Variants in RPS6KC1 observed in about 807,000 individuals in gnomAD.
RPS6KC1 encodes the protein inactive ribosomal protein S6 kinase delta-1.
In RPS6KC1, 54 loss-of-function variants were observed where a neutral mutation model predicts 103.8. The ratio of observed to expected loss-of-function variants is 0.52; its 90% CI spans 0.42 to 0.65. RPS6KC1 has a LOEUF of 0.65. Ranked by LOEUF, RPS6KC1 falls within the 30% of genes least tolerant of loss-of-function variation. The probability of loss-of-function intolerance (pLI) is 0.00; values close to 1 mark genes in which losing one functional copy is unlikely to be tolerated. For synonymous variants in RPS6KC1, 439 were observed against 438.7 expected, an observed-to-expected ratio of 1.00 and a Z score of -0.01; for missense variants, 1,151 against 1,253.8, an observed-to-expected ratio of 0.92 and a Z score of 1.24.
chr1:213,220,277 A>G (rs1042055065), intron 8 of RPS6KC1, among the ~76,000 whole-genome samples: 4 of 152,164 alleles, frequency 2.6e-5, no homozygotes, highest in African/African-American at 9.7e-5. Context: ...GCATTGTAGA[A>G]TCTAAAAATC....
chr1:213,104,162 C>T (rs572854654), intron 3 of RPS6KC1, among the ~76,000 whole-genome samples: 1 of 152,308 alleles, frequency 6.6e-6, no homozygotes, highest in African/African-American at 2.4e-5. Context: ...AGTTTCGAAT[C>T]ACCAGCTTCT....
chr1:213,682,527 A>G, the RPS6KC1 span, among the ~76,000 whole-genome samples: 1 of 152,250 alleles, frequency 6.6e-6, no homozygotes, highest in East Asian at 1.9e-4. Context: ...AAAACTGTCA[A>G]AGATAGATCA....
the RPS6KC1 span, among the ~76,000 whole-genome samples, chr1:213,592,750 G>C: frequency 6.6e-6 from 1 of 152,174 alleles, no homozygotes; most frequent in Non-Finnish European, 1.5e-5. Context: ...AGTTTCTGTT[G>C]TGCTAGGCCT....
At chr1:213,854,535 T>TCTTTCTTA in the RPS6KC1 span, among the ~76,000 whole-genome samples, 2 of 101,336 alleles carry the variant, frequency 2.0e-5, no homozygotes, top group Non-Finnish European at 3.9e-5. Context: ...TTTCTTTCTT[T>TCTTTCTTA]CTTTCTTTCT....
the RPS6KC1 span, among the ~76,000 whole-genome samples, chr1:213,776,233 C>T: frequency 2.0e-5 from 3 of 152,146 alleles, no homozygotes; most frequent in African/African-American, 4.8e-5. Flanking sequence ...TGGTTCCTTT[C>T]CAGAACATTT....
At chr1:213,674,043 G>T in the RPS6KC1 span, among the ~76,000 whole-genome samples, 1 of 151,876 alleles carries the variant, frequency 6.6e-6, no homozygotes, top group East Asian at 1.9e-4. Context: ...TTTTGAGACA[G>T]AGTCTCGCTA....
intron 8 of RPS6KC1, among the ~76,000 whole-genome samples, chr1:213,219,243 C>A (rs941676840): frequency 6.6e-6 from 1 of 152,144 alleles, no homozygotes; most frequent in African/African-American, 2.4e-5. Flanking sequence ...ATGCAGCCAA[C>A]AGACACATGA....
chr1:213,623,771 A>G, the RPS6KC1 span, among the ~76,000 whole-genome samples: 2 of 152,198 alleles, frequency 1.3e-5, no homozygotes, highest in African/African-American at 4.8e-5. Context: ...TAATAGGCAG[A>G]GGCAAGGGCA....
intron 1 of RPS6KC1, among the ~76,000 whole-genome samples, chr1:213,059,736 G>A (rs1391768730): frequency 2.0e-5 from 3 of 151,848 alleles, no homozygotes; most frequent in African/African-American, 7.3e-5. Flanking sequence ...GCAATGGCGT[G>A]ATCTTGGCTC....
chr1:213,834,215 G>A, the RPS6KC1 span, among the ~76,000 whole-genome samples: 2 of 152,258 alleles, frequency 1.3e-5, no homozygotes, highest in Non-Finnish European at 1.5e-5. Flanking sequence ...TGTAGAGATG[G>A]GGTTTTGCCA....
the RPS6KC1 span, among the ~76,000 whole-genome samples, chr1:213,291,979 T>C: frequency 0.98 from 149,654 of 152,220 alleles, 73,625 homozygotes; most frequent in East Asian, 1. Flanking sequence ...AGCCAGTTTT[T>C]CCAGCACCAT....
chr1:213,754,685 G>A, the RPS6KC1 span, among the ~76,000 whole-genome samples: 1 of 152,192 alleles, frequency 6.6e-6, no homozygotes, highest in Admixed American at 6.5e-5. Flanking sequence ...TTCCTCTACA[G>A]TCGGTGGAAC....
At chr1:213,342,662 A>C in the RPS6KC1 span, among the ~76,000 whole-genome samples, 1 of 152,240 alleles carries the variant, frequency 6.6e-6, no homozygotes, top group East Asian at 1.9e-4. Context: ...TATCAGAAGA[A>C]AGTCATCTCA....
chr1:213,565,509 T>G, the RPS6KC1 span, among the ~76,000 whole-genome samples: 2 of 152,172 alleles, frequency 1.3e-5, no homozygotes, highest in Admixed American at 6.5e-5. Flanking sequence ...AAGTCTTACA[T>G]AAAAATGTAG....
chr1:213,308,001 G>A, the RPS6KC1 span, among the ~76,000 whole-genome samples: 5 of 152,214 alleles, frequency 3.3e-5, no homozygotes, highest in Non-Finnish European at 7.4e-5. Context: ...ATGATACTGG[G>A]CTATGGCCAA....
chr1:213,825,137 A>G, the RPS6KC1 span, among the ~76,000 whole-genome samples: 1 of 152,194 alleles, frequency 6.6e-6, no homozygotes, highest in Non-Finnish European at 1.5e-5. Flanking sequence ...AAGACCCCTG[A>G]CTTATAGTTA....
At chr1:213,843,011 T>G in the RPS6KC1 span, among the ~76,000 whole-genome samples, 8 of 152,160 alleles carry the variant, frequency 5.3e-5, no homozygotes, top group Non-Finnish European at 1.0e-4. Context: ...GGCAAATCAG[T>G]AGAGGACAAG....
the RPS6KC1 span, among the ~76,000 whole-genome samples, chr1:213,397,588 T>TACACACACACACACACACACACACAC: frequency 6.4e-5 from 9 of 140,376 alleles, no homozygotes; most frequent in African/African-American, 1.6e-4. Context: ...CAGGAACACA[T>TACACACACACACACACACACACACAC]ACACACACAC....
In RPS6KC1 at chr1:213,083,408, C is replaced by G. The variant is rs73086341; in HGVS notation, c.262+5592C>G. Among the ~76,000 whole-genome samples the G allele has an allele frequency of 8.9e-4, 136 of 152,298 alleles. 1 individual carries two copies. Among genetic ancestry groups the G allele is most frequent in the African/African-American group, 3.2e-3 (131 of 41,566 alleles). ...GACCCATTGACTTCTTTGGGGCTCG[C>G]ATTTACTCCCCTTTTTGTACAGGAA... On this transcript the variant is annotated intron_variant, in intron 3 of 14. Transcript: ENST00000366960.
Sources: gnomAD v4.1 joint callset for allele counts (sites outside exome capture counted in the v4.1 genomes callset) on GRCh38, gnomAD v4.1.1 for gene constraint, MANE v1.5 for transcripts, NCBI Gene and HGNC (gene_info 2026-07-23, HGNC 2026-07-21) for gene names.